KCNIP4: variants seen among roughly 807,000 people sequenced by gnomAD.
The protein encoded by KCNIP4 is potassium voltage-gated channel interacting protein 4, also known as Kv channel-interacting protein 4.
Under a neutral mutation model 34.0 loss-of-function variants are expected in KCNIP4, and 12 were observed. The observed-to-expected ratio is 0.35, with a 90% CI of 0.23 to 0.57. The LOEUF (loss-of-function observed/expected upper bound fraction) is 0.57. KCNIP4 is among the 20% of genes least tolerant of loss of function. KCNIP4 has a pLI of 0.83. For synonymous variants in KCNIP4, 124 were observed against 102.2 expected (o/e 1.21, Z -1.29); for missense variants, 238 against 311.7 (o/e 0.76, Z 1.78).
chr4:21,480,507 T>C (rs1037217206), intron 1 of KCNIP4, among the ~76,000 whole-genome samples: 4 of 152,154 alleles, frequency 2.6e-5, no homozygotes, highest in African/African-American at 9.6e-5. Flanking sequence ...GCAGTCAGTT[T>C]CACTAATATG....
chr4:21,480,726 TAA>T lies in KCNIP4; in HGVS notation c.61+467843_61+467844del, dbSNP rs1731349300. On this transcript the variant is annotated intron_variant, in intron 1 of 8. Coordinates refer to ENST00000382152, the MANE Select transcript of KCNIP4 (RefSeq NM_025221.6). ...ATAGAATATGTCTAGTTAAAATTAT[TAA>T]AGACTCATATGTAGAAACTGTAAAA... Among the ~76,000 whole-genome samples the T allele has an allele frequency of 4.6e-5, 7 of 152,236 alleles. No homozygotes were observed. In the South Asian group the frequency reaches 1.5e-3, roughly 32 times the overall value.
At chr4:20,956,871 A>C (rs1182553643) in intron 1 of KCNIP4, among the ~76,000 whole-genome samples, 1 of 152,214 alleles carries the variant, frequency 6.6e-6, no homozygotes, top group Non-Finnish European at 1.5e-5. Context: ...AACATGTATC[A>C]GAAGTTAGAA....
At chr4:21,191,328 T>A (rs1238593599) in intron 1 of KCNIP4, among the ~76,000 whole-genome samples, 3 of 152,202 alleles carry the variant, frequency 2.0e-5, no homozygotes, top group Non-Finnish European at 4.4e-5. Flanking sequence ...TAAAGAAATA[T>A]GAGACTGGAA....
chr4:21,363,720 A>G (rs1183520852), intron 1 of KCNIP4, among the ~76,000 whole-genome samples: 3 of 152,154 alleles, frequency 2.0e-5, no homozygotes, highest in Non-Finnish European at 4.4e-5. Context: ...ACAGGAGCTC[A>G]AAGAGAATCC....
intron 1 of KCNIP4, among the ~76,000 whole-genome samples, chr4:21,231,585 T>TA (rs35456938): frequency 2.6e-5 from 4 of 152,094 alleles, no homozygotes; most frequent in Admixed American, 6.6e-5. Context: ...GGCTCTTTTG[T>TA]AAAAAAAGAA....
chr4:21,789,070 CAAAAAAA>C (rs35630701), intron 1 of KCNIP4, among the ~76,000 whole-genome samples: 1 of 93,942 alleles, frequency 1.1e-5, no homozygotes, highest in African/African-American at 3.9e-5. Flanking sequence ...GAGATTCTGT[CAAAAAAA>C]AAAAAAAAAA....
chr4:20,818,092 C>T (rs2149441254), intron 3 of KCNIP4, among the ~76,000 whole-genome samples: 1 of 152,258 alleles, frequency 6.6e-6, no homozygotes, highest in African/African-American at 2.4e-5. Flanking sequence ...CTCCACTGTT[C>T]AAGATATATG....
chr4:21,687,580 T>C (rs1750912203), intron 1 of KCNIP4, among the ~76,000 whole-genome samples: 1 of 152,134 alleles, frequency 6.6e-6, no homozygotes, highest in Non-Finnish European at 1.5e-5. Context: ...CATTTGTAAA[T>C]ATTCTATGTT....
At chr4:21,385,891 T>C (rs946012834) in intron 1 of KCNIP4, among the ~76,000 whole-genome samples, 9 of 152,274 alleles carry the variant, frequency 5.9e-5, no homozygotes, top group South Asian at 2.1e-4. Context: ...AGTTTTCCAA[T>C]AATTTTGCTG....
Position 20,732,728 on chromosome 4 carries a change from C to T in KCNIP4, c.595G>A (p.Val199Ile), listed in dbSNP as rs773142019. 6.2e-7 allele frequency: 1 copy of T among 1,613,072 alleles called. No individual in the cohort carries two copies. The highest frequency in any genetic ancestry group is 1.1e-5 in the South Asian group (1 of 91,054). The change falls in exon 7 of 9, where the codon GTC becomes ATC. Residue 199 changes from valine (V) to isoleucine (I), a missense_variant. Val to Ile is a conservative substitution (Grantham distance 29, BLOSUM62 3). Transcript: ENST00000382152. ...TGTCTGGGAGCATCTTCTTTGAGGA[C>T]AGGATATGTACATTTACCCATCATA... ...YDMMGKCTYPVLKEDAPRQHV... is the reference protein window; with the variant it reads ...YDMMGKCTYPILKEDAPRQHV...
At position 21,088,938 on chromosome 4, in the gene KCNIP4, C is replaced by A. The variant is rs116397418; in HGVS notation, c.62-206229G>T. ...TGTATATACAATACCCCAATCAGTGCCTAGAAGCAAAAAACTTTTGTGAAA... is the reference window on the plus strand; with the variant it reads ...TGTATATACAATACCCCAATCAGTGACTAGAAGCAAAAAACTTTTGTGAAA... On this transcript the variant is annotated intron_variant, in intron 1 of 8. Transcript: ENST00000382152. Among the ~76,000 whole-genome samples the A allele has an allele frequency of 8.0e-3, 1,218 of 152,240 alleles. 7 individuals are homozygous for A. The highest frequency in any genetic ancestry group is 0.013 in the Non-Finnish European group (859 of 68,010).
chr4:21,102,339 C>A (rs898775830), intron 1 of KCNIP4, among the ~76,000 whole-genome samples: 2 of 152,086 alleles, frequency 1.3e-5, no homozygotes, highest in Non-Finnish European at 2.9e-5. Context: ...CCATAAATTA[C>A]AATATTAAAT....
intron 3 of KCNIP4, among the ~76,000 whole-genome samples, chr4:20,833,618 G>T (rs184210366): frequency 7.2e-5 from 11 of 152,066 alleles, no homozygotes; most frequent in Admixed American, 6.5e-4. Flanking sequence ...TTTCTAACAC[G>T]GTATTTCATA....
At chr4:21,309,350 G>T (rs1712870352) in intron 1 of KCNIP4, among the ~76,000 whole-genome samples, 1 of 151,718 alleles carries the variant, frequency 6.6e-6, no homozygotes. Flanking sequence ...TGTGGTCCAG[G>T]TACTATATAA....
intron 1 of KCNIP4, among the ~76,000 whole-genome samples, chr4:21,480,200 T>A (rs1335898049): frequency 6.6e-6 from 1 of 151,862 alleles, no homozygotes; most frequent in East Asian, 1.9e-4. Flanking sequence ...TATGATAAAA[T>A]GAAACCAAAT....
At chr4:21,380,420 TG>T (rs1406354085) in intron 1 of KCNIP4, among the ~76,000 whole-genome samples, 3 of 81,016 alleles carry the variant, frequency 3.7e-5, no homozygotes, top group Non-Finnish European at 7.3e-5. Context: ...GGTGGGGGTC[TG>T]GGGGATGATG....
At chr4:21,330,114 A>G (rs1715481579) in intron 1 of KCNIP4, among the ~76,000 whole-genome samples, 1 of 152,244 alleles carries the variant, frequency 6.6e-6, no homozygotes, top group South Asian at 2.1e-4. Flanking sequence ...CATTAAATAA[A>G]TCATCTAATA....
chr4:21,824,328 G>A (rs1251703813), intron 1 of KCNIP4, among the ~76,000 whole-genome samples: 2 of 152,144 alleles, frequency 1.3e-5, no homozygotes, highest in Non-Finnish European at 2.9e-5. Context: ...CACAAGATTA[G>A]AAATACGGTT....
chr4:21,691,371 C>T (rs928731878), intron 1 of KCNIP4, among the ~76,000 whole-genome samples: 1 of 152,152 alleles, frequency 6.6e-6, no homozygotes, highest in Non-Finnish European at 1.5e-5. Flanking sequence ...CACAGGTTTC[C>T]TCTCCAGGCT....
Sources: gnomAD v4.1 joint callset for allele counts (sites outside exome capture counted in the v4.1 genomes callset) on GRCh38, gnomAD v4.1.1 for gene constraint, MANE v1.5 for transcripts, NCBI Gene and HGNC (gene_info 2026-07-23, HGNC 2026-07-21) for gene names.